The following ZNF71 variants were observed in gnomAD, a reference collection of about 807,000 sequenced individuals.
ZNF71 encodes zinc finger protein 71, also known as endothelial zinc finger protein induced by tumor necrosis factor alpha.
Under a neutral mutation model 6.7 loss-of-function variants are expected in ZNF71, and 3 were observed. That is an observed-to-expected ratio of 0.45 (90% confidence interval 0.20 to 1.16). ZNF71 has a LOEUF of 1.16. Ranked by LOEUF, ZNF71 falls within the 50% of genes most tolerant of loss-of-function variation. The probability of loss-of-function intolerance (pLI) is 0.25; values close to 1 mark genes in which losing one functional copy is unlikely to be tolerated. For synonymous variants in ZNF71, 343 were observed against 311.1 expected (o/e 1.10, Z -1.08); for missense variants, 688 against 728.6 (o/e 0.94, Z 0.64).
Position 56,621,359 on chromosome 19 carries a change from A to G in ZNF71, c.252A>G (p.Gly84=). 1 of 1,577,396 alleles carries G rather than the reference A, an allele frequency of 6.3e-7. No individual in the cohort carries two copies. Among genetic ancestry groups the G allele is most frequent in the South Asian group, 1.2e-5 (1 of 85,554 alleles). ...CCGTTGTTGGGGAGGCCACGGGGGGACCCACGAGGAATGGTGCCAGGGGTC... is the reference window on the plus strand; with the variant it reads ...CCGTTGTTGGGGAGGCCACGGGGGGGCCCACGAGGAATGGTGCCAGGGGTC... ...KLSVVGEATG[G]PTRNGARGPG... The change falls in exon 4 of 4, where the codon GGA becomes GGG. Residue 84 remains glycine, a synonymous_variant. Transcript: ENST00000599599.
chr19:56,612,439 C>T (rs1019261453), intron 2 of ZNF71, among the ~76,000 whole-genome samples: 7 of 152,088 alleles, frequency 4.6e-5, no homozygotes, highest in African/African-American at 1.7e-4. Context: ...GAATACTACT[C>T]AGCCATAAAA....
intron 3 of ZNF71, among the ~76,000 whole-genome samples, chr19:56,620,724 C>T (rs989205614): frequency 2.2e-4 from 34 of 151,940 alleles, no homozygotes; most frequent in Admixed American, 1.6e-3. Flanking sequence ...TTAGTAGAGG[C>T]GGGGGTGGGG....
At chr19:56,612,864 A>T (rs1288401801) in intron 2 of ZNF71, among the ~76,000 whole-genome samples, 1 of 152,110 alleles carries the variant, frequency 6.6e-6, no homozygotes, top group African/African-American at 2.4e-5. Flanking sequence ...CTCCAGGATG[A>T]CCTCATTTTA....
chr19:56,620,948 C>T (rs2044840064), intron 3 of ZNF71, among the ~76,000 whole-genome samples: 1 of 152,224 alleles, frequency 6.6e-6, no homozygotes, highest in South Asian at 2.1e-4. Flanking sequence ...CTCAGGTTTG[C>T]AGAGCCTGCC....
rs1342695004 is a variant in ZNF71 at position 56,618,963 on chromosome 19, A to T, written c.161-2305A>T. ...GAGGACAGAGAGGAGCTGCTGTCGC[A>T]TTTCAGGCAAGGACCCGTGGTGGCC... On this transcript the variant is annotated intron_variant, in intron 3 of 3. Coordinates refer to ENST00000599599, the MANE Select transcript of ZNF71 (RefSeq NM_001370215.1). This position sits in a 1 kb window ranked among gnomAD's most constrained non-coding sequence, Gnocchi z 4.6. 1.3e-5 allele frequency among the ~76,000 whole-genome samples: 2 copies of T among 152,040 alleles called. No homozygotes were observed. Among genetic ancestry groups the T allele is most frequent in the African/African-American group, 4.8e-5 (2 of 41,388 alleles).
At chr19:56,601,451 T>TGAGGCCAGCC in intron 1 of ZNF71, 56 bp from the exon 2 acceptor site, 1 of 766,120 alleles carries the variant, frequency 1.3e-6, no homozygotes, top group Non-Finnish European at 1.6e-6. Context: ...TCTACATTTG[T>TGAGGCCAGCC]GAGGCCAGCC....
intron 3 of ZNF71, among the ~76,000 whole-genome samples, chr19:56,616,258 G>A (rs2044790402): frequency 6.6e-6 from 1 of 152,210 alleles, no homozygotes; most frequent in Non-Finnish European, 1.5e-5. Flanking sequence ...GGGGACAAAT[G>A]TATGTCCAGT....
At position 56,598,246 on chromosome 19, in the gene ZNF71, T is replaced by A. The variant is rs935916981; in HGVS notation, c.-53+2818T>A. Among the ~76,000 whole-genome samples the A allele has an allele frequency of 1.3e-4, 19 of 151,284 alleles. No individual in the cohort carries two copies. Among genetic ancestry groups the A allele is most frequent in the Admixed American group, 1.2e-3 (19 of 15,214 alleles). On this transcript the variant is annotated intron_variant, in intron 1 of 3. Coordinates refer to ENST00000599599, the MANE Select transcript of ZNF71 (RefSeq NM_001370215.1). This position sits in a 1 kb window ranked among gnomAD's most constrained non-coding sequence, Gnocchi z 4.2. Reference sequence around the variant, plus strand: ...GTTGGAGCTGACCAGGAAGCAGGGGTAGTCATGGGAAGAGCATTCCCTCCA... The same window carrying A: ...GTTGGAGCTGACCAGGAAGCAGGGGAAGTCATGGGAAGAGCATTCCCTCCA...
Position 56,598,888 on chromosome 19 carries a change from T to C in ZNF71, c.-52-2619T>C, listed in dbSNP as rs1232835615. ...TAAGAAAGGCTCTTCTTTGTCTTAG[T>C]GGTTCTTACGCTTTAAGACGTGTCA... On this transcript the variant is annotated intron_variant, in intron 1 of 3. Transcript: ENST00000599599. This position sits in a 1 kb window ranked among gnomAD's most constrained non-coding sequence, Gnocchi z 4.2. Among the ~76,000 whole-genome samples the C allele has an allele frequency of 2.6e-5, 4 of 152,234 alleles. No individual in the cohort carries two copies. The East Asian group carries it at 7.7e-4, about 29-fold the overall frequency.
chr19:56,602,189 G>T (rs1352633086), intron 2 of ZNF71, among the ~76,000 whole-genome samples: 4 of 152,124 alleles, frequency 2.6e-5, no homozygotes, highest in African/African-American at 4.8e-5. Flanking sequence ...CCATACCCTG[G>T]TTTACTTAAT....
chr19:56,614,003 A>G (rs1284843385), intron 3 of ZNF71, 65 bp downstream of exon 3: 15 of 651,842 alleles, frequency 2.3e-5, no homozygotes, highest in Non-Finnish European at 2.9e-5. Context: ...AAATAAATTA[A>G]AAAAAAAAAA....
intron 2 of ZNF71, among the ~76,000 whole-genome samples, chr19:56,602,303 A>G (rs1483863900): frequency 6.6e-6 from 1 of 152,150 alleles, no homozygotes; most frequent in African/African-American, 2.4e-5. Flanking sequence ...TGTGTCTTAT[A>G]TGATTTCTTT....
intron 3 of ZNF71, among the ~76,000 whole-genome samples, chr19:56,616,578 C>G (rs2044793067): frequency 6.6e-6 from 1 of 152,228 alleles, no homozygotes; most frequent in Non-Finnish European, 1.5e-5. Flanking sequence ...GCTCCGGTCA[C>G]TGTTTTCAAA....
rs28619077 is a variant in ZNF71, at chr19:56,621,506, C to G, written c.399C>G (p.Pro133=). ...QGNKLLGGSV[P]ACHELKAFAN... is the part of the protein sequence containing the mutation. ...ACAAACTCTTAGGGGGCTCAGTACC[C>G]GCATGTCATGAACTGAAGGCATTTG... Residue 133 remains proline, a synonymous_variant, in exon 4 of 4, where the codon CCC becomes CCG. Coordinates refer to ENST00000599599, the MANE Select transcript of ZNF71 (RefSeq NM_001370215.1). The G allele has an allele frequency of 0.01, 16,808 of 1,614,096 alleles. 416 individuals carry two copies. The highest frequency in any genetic ancestry group is 0.097 in the African/African-American group (7,294 of 74,996).
In ZNF71 at chr19:56,621,261, T is replaced by C; in HGVS notation, c.161-7T>C. 2.0e-6 allele frequency: 3 copies of C among 1,514,756 alleles called. No homozygotes were observed. Among genetic ancestry groups the C allele is most frequent in the Non-Finnish European group, 2.6e-6 (3 of 1,132,686 alleles). 93.8% of individuals were successfully genotyped at this position (1,514,756 alleles called of 1,614,324 possible). ...GTATTTGCATCTTCTGTTTTTGTTT[T>C]TTTCAGACTGGGAGACTAGACCTGA... On this transcript the variant is annotated splice_region_variant and splice_polypyrimidine_tract_variant and intron_variant, in intron 3 of 3. Transcript: ENST00000599599.
chr19:56,602,998 A>T, intron 2 of ZNF71, among the ~76,000 whole-genome samples: 1 of 152,042 alleles, frequency 6.6e-6, no homozygotes, highest in Middle Eastern at 3.2e-3. Context: ...CCTGTAATTG[A>T]TTTTGCTATA....
chr19:56,606,200 C>G (rs756065021), intron 2 of ZNF71, among the ~76,000 whole-genome samples: 56 of 152,140 alleles, frequency 3.7e-4, no homozygotes, highest in Non-Finnish European at 5.9e-4. Context: ...CCATGTCTGT[C>G]TTATTCACAG....
intron 2 of ZNF71, among the ~76,000 whole-genome samples, chr19:56,604,720 C>A (rs1302021223): frequency 6.6e-6 from 1 of 152,162 alleles, no homozygotes. Context: ...TCAAAGGTGA[C>A]CCCTCAGGCA....
At position 56,614,506 on chromosome 19, in the gene ZNF71, T is replaced by C. The variant is rs1004424857; in HGVS notation, c.160+568T>C. On this transcript the variant is annotated intron_variant, in intron 3 of 3. Transcript: ENST00000599599. ...TCATGTAAGTATGCAAAGTTTTCCA[T>C]GGGAAGAAAAATCAAGGAAAACGAC... 2.0e-5 allele frequency among the ~76,000 whole-genome samples: 3 copies of C among 152,262 alleles called. No individual in the cohort carries two copies. The East Asian group carries it at 5.8e-4, about 29-fold the overall frequency.
Sources: gnomAD v4.1 joint callset for allele counts (sites outside exome capture counted in the v4.1 genomes callset) on GRCh38, gnomAD v4.1.1 for gene constraint, Gnocchi (gnomAD v3.1) non-coding constraint, MANE v1.5 for transcripts, NCBI Gene and HGNC (gene_info 2026-07-23, HGNC 2026-07-21) for gene names.